Variants in FNBP1 observed in about 807,000 individuals in gnomAD.
FNBP1 encodes formin binding protein 1, also known as formin-binding protein 1.
A neutral mutation model predicts 90.6 loss-of-function variants in FNBP1; 26 were observed. The observed-to-expected ratio is 0.29, with a 90% CI of 0.21 to 0.40. The LOEUF (loss-of-function observed/expected upper bound fraction) is 0.40. Ranked by LOEUF, FNBP1 falls within the 10% of genes least tolerant of loss-of-function variation. The probability of loss-of-function intolerance (pLI) is 1.00; values close to 1 mark genes in which losing one functional copy is unlikely to be tolerated. For synonymous variants in FNBP1, 260 were observed against 265.2 expected (o/e 0.98, Z 0.19); for missense variants, 635 against 768.0 (o/e 0.83, Z 2.05).
chr9:129,967,440 G>A lies in FNBP1; in HGVS notation c.346-8887C>T, dbSNP rs368991107. 8.5e-5 allele frequency among the ~76,000 whole-genome samples: 13 copies of A among 152,214 alleles called. No individual in the cohort carries two copies. In the East Asian group the frequency reaches 1.5e-3, roughly 18 times the overall value. ...CTGAGGCAGGAGAATGGCTTGAACC[G>A]GGAGGCGGAACTTGCAGAGAGCCGA... is the stretch of plus-strand genomic sequence containing the variant. On this transcript the variant is annotated intron_variant, in intron 4 of 16. Coordinates refer to ENST00000446176, the MANE Select transcript of FNBP1 (RefSeq NM_015033.3).
intron 1 of FNBP1, among the ~76,000 whole-genome samples, chr9:129,997,913 G>A (rs548670179): frequency 6.6e-5 from 10 of 152,130 alleles, no homozygotes; most frequent in Admixed American, 2.0e-4. Flanking sequence ...CCAGCTGGGC[G>A]CGGTGGCTCA....
intron 10 of FNBP1, among the ~76,000 whole-genome samples, chr9:129,920,280 G>A (rs952727799): frequency 1.4e-4 from 21 of 152,008 alleles, no homozygotes; most frequent in African/African-American, 2.2e-4. Context: ...ACCAGTTTCC[G>A]ATTCCCATTT....
At chr9:129,978,942 T>C (rs1004341997) in intron 3 of FNBP1, among the ~76,000 whole-genome samples, 1 of 152,212 alleles carries the variant, frequency 6.6e-6, no homozygotes, top group African/African-American at 2.4e-5. Flanking sequence ...GATGTAATAT[T>C]TGAGTGGTCT....
intron 4 of FNBP1, among the ~76,000 whole-genome samples, chr9:129,960,991 T>C (rs551996487): frequency 6.6e-6 from 1 of 152,008 alleles, no homozygotes; most frequent in South Asian, 2.1e-4. Context: ...TCACATGTGT[T>C]AAGGCTGATA....
chr9:129,911,839 G>A (rs1372083215), intron 11 of FNBP1, among the ~76,000 whole-genome samples: 1 of 151,694 alleles, frequency 6.6e-6, no homozygotes, highest in Non-Finnish European at 1.5e-5. Context: ...GGCTGAGGCA[G>A]GAGAATTGCT....
At chr9:129,919,348 T>C (rs748648786) in intron 10 of FNBP1, 32 of 447,946 alleles carry the variant, frequency 7.1e-5, no homozygotes, top group Non-Finnish European at 1.1e-4. Flanking sequence ...TTCGGTCAAC[T>C]TTGATGGTAT....
At chr9:129,946,608 GA>G (rs35660467) in intron 6 of FNBP1, among the ~76,000 whole-genome samples, 1 of 152,132 alleles carries the variant, frequency 6.6e-6, no homozygotes, top group Non-Finnish European at 1.5e-5. Context: ...GACTCTAGCA[GA>G]AAAAGAACCA....
rs180953144 is a variant in FNBP1, at chr9:129,996,477, A to G, written c.25-1519T>C. On this transcript the variant is annotated intron_variant, in intron 1 of 16. Coordinates refer to ENST00000446176, the MANE Select transcript of FNBP1 (RefSeq NM_015033.3). The stretch of plus-strand genomic sequence containing the variant: ...ATAAATGAGGGTTCTAGCCCCAGCA[A>G]AGGGATTTCACAGAGACAGGCCCCC... Among the ~76,000 whole-genome samples, 202 of 152,258 alleles carry G rather than the reference A, an allele frequency of 1.3e-3. 1 individual carries two copies. The highest frequency in any genetic ancestry group is 4.8e-3 in the African/African-American group (199 of 41,554).
Position 129,890,524 on chromosome 9 carries a change from C to T in FNBP1, c.*15G>A, listed in dbSNP as rs930930674. The T allele has an allele frequency of 6.4e-5, 102 of 1,584,356 alleles. No homozygotes were observed. The highest frequency in any genetic ancestry group is 8.5e-5 in the Non-Finnish European group (99 of 1,166,068). The stretch of plus-strand genomic sequence containing the variant: ...CCTCCAGGAAGGCTCACCCGAGGCT[C>T]GCAGGCACTCCCCTCTAGGAATCTA... On this transcript the variant is annotated 3_prime_UTR_variant, in exon 17 of 17. Coordinates refer to ENST00000446176, the MANE Select transcript of FNBP1 (RefSeq NM_015033.3). The surrounding 1 kb of genome is among the most constrained non-coding windows in gnomAD (Gnocchi z 5.8).
At chr9:130,030,154 G>A (rs558991173) in intron 1 of FNBP1, among the ~76,000 whole-genome samples, 2 of 152,170 alleles carry the variant, frequency 1.3e-5, no homozygotes, top group Non-Finnish European at 2.9e-5. Context: ...CCTAAACAGG[G>A]CCAGGCACAC....
intron 13 of FNBP1, 95 bp downstream of exon 13, chr9:129,902,774 C>G: frequency 8.0e-7 from 1 of 1,246,270 alleles, no homozygotes; most frequent in Non-Finnish European, 1.1e-6. Flanking sequence ...TGTGTACCTC[C>G]CAGTGAGAGG....
intron 4 of FNBP1, among the ~76,000 whole-genome samples, chr9:129,973,141 A>G (rs2049753887): frequency 6.6e-6 from 1 of 152,184 alleles, no homozygotes; most frequent in Non-Finnish European, 1.5e-5. Flanking sequence ...CCCACCACCA[A>G]GCAGGGGGCT....
chr9:130,005,107 G>A (rs78590482), intron 1 of FNBP1, among the ~76,000 whole-genome samples: 10,997 of 142,178 alleles, frequency 0.077, 563 homozygotes, highest in East Asian at 0.14. Flanking sequence ...ATGATGGCTT[G>A]CACCTGTAAT....
intron 2 of FNBP1, among the ~76,000 whole-genome samples, chr9:129,981,302 T>A (rs1342780913): frequency 6.6e-6 from 1 of 152,082 alleles, no homozygotes; most frequent in African/African-American, 2.4e-5. Flanking sequence ...TTGGCCAGGC[T>A]GGCCTCAAAC....
chr9:129,907,192 T>C (rs1409838537), intron 12 of FNBP1, among the ~76,000 whole-genome samples: 1 of 152,204 alleles, frequency 6.6e-6, no homozygotes, highest in African/African-American at 2.4e-5. Context: ...TTTTTTTACT[T>C]CTACATTTCT....
upstream of FNBP1, among the ~76,000 whole-genome samples, chr9:130,043,924 C>T (rs2060023100): frequency 6.6e-6 from 1 of 152,230 alleles, no homozygotes. Context: ...CGGGCGGAGG[C>T]GGACAATTGC....
intron 2 of FNBP1, among the ~76,000 whole-genome samples, chr9:129,984,271 A>T (rs1162171673): frequency 1.3e-5 from 2 of 151,958 alleles, no homozygotes; most frequent in Non-Finnish European, 2.9e-5. Context: ...AGCAGAAAAT[A>T]AAAAAAATAA....
At chr9:129,985,895 G>A (rs558026379) in intron 2 of FNBP1, among the ~76,000 whole-genome samples, 1 of 149,992 alleles carries the variant, frequency 6.7e-6, no homozygotes, top group East Asian at 2.0e-4. Context: ...CCAGGAGGCG[G>A]TGTTGCAGTG....
chr9:129,978,826 C>T (rs1233055313), intron 3 of FNBP1, among the ~76,000 whole-genome samples: 4 of 152,224 alleles, frequency 2.6e-5, no homozygotes, highest in East Asian at 1.9e-4. Flanking sequence ...TGAACCGCTC[C>T]GCATAATGTA....
Sources: allele counts gnomAD v4.1 joint callset (sites outside exome capture counted in the v4.1 genomes callset), GRCh38; gene constraint gnomAD v4.1.1; non-coding constraint Gnocchi (gnomAD v3.1); transcripts MANE v1.5; gene names NCBI Gene and HGNC (gene_info 2026-07-23, HGNC 2026-07-21).